TRAPPC3: variants seen among roughly 807,000 people sequenced by gnomAD.
TRAPPC3 encodes trafficking protein particle complex subunit 3.
A neutral mutation model predicts 18.2 loss-of-function variants in TRAPPC3; 5 were observed. That is an observed-to-expected ratio of 0.28 (90% CI 0.14 to 0.58). The LOEUF (loss-of-function observed/expected upper bound fraction) is 0.58. Ranked by LOEUF, TRAPPC3 falls within the 20% of genes least tolerant of loss-of-function variation. The pLI is 0.91. For synonymous variants in TRAPPC3, 65 were observed against 84.2 expected (o/e 0.77, Z 1.25); for missense variants, 176 against 225.9 (o/e 0.78, Z 1.41).
chr1:36,145,292 G>C (rs1268908138), intron 1 of TRAPPC3, among the ~76,000 whole-genome samples: 1 of 151,968 alleles, frequency 6.6e-6, no homozygotes, highest in Non-Finnish European at 1.5e-5. Flanking sequence ...ACCTCCCAAA[G>C]TGCAGGGATT....
rs58378686 is a variant in TRAPPC3 at position 36,144,289 on chromosome 1, C to CAA, written c.43-4125_43-4124dup. On this transcript the variant is annotated intron_variant, in intron 1 of 4. Transcript: ENST00000373166. Reference sequence around the variant, plus strand: ...GGAGACAAGAGCGAAACCCTGTCTCCAAAAAAAAAAAAAAAAAAAAGGGAG... The same window carrying CAA: ...GGAGACAAGAGCGAAACCCTGTCTCCAAAAAAAAAAAAAAAAAAAAAAGGGAG... 1.5e-3 allele frequency among the ~76,000 whole-genome samples: 88 copies of CAA among 57,476 alleles called. 3 individuals carry two copies. The highest frequency in any genetic ancestry group is 2.4e-3 in the Admixed American group (9 of 3,744). 37.7% of individuals were successfully genotyped at this position (57,476 alleles called of 152,430 possible).
intron 1 of TRAPPC3, among the ~76,000 whole-genome samples, chr1:36,148,576 CAG>C (rs910809330): frequency 1.4e-5 from 2 of 141,110 alleles, no homozygotes; most frequent in Admixed American, 7.4e-5. Flanking sequence ...CCCCGGGTGA[CAG>C]AGATTTCGTC....
intron 1 of TRAPPC3, among the ~76,000 whole-genome samples, chr1:36,141,754 T>C (rs1644110908): frequency 6.6e-6 from 1 of 151,838 alleles, no homozygotes; most frequent in African/African-American, 2.4e-5. Flanking sequence ...GGTCAAGAGA[T>C]TGAGACCATC....
At chr1:36,138,335 G>C (rs142002490) in intron 3 of TRAPPC3, 4 of 1,362,646 alleles carry the variant, frequency 2.9e-6, no homozygotes, top group South Asian at 2.6e-5. Flanking sequence ...TGAGTGCAGA[G>C]GCCCTAACCC....
At chr1:36,151,355 CT>C (rs1644270238), upstream of TRAPPC3, among the ~76,000 whole-genome samples, 1 of 152,056 alleles carries the variant, frequency 6.6e-6, no homozygotes, top group African/African-American at 2.4e-5. Context: ...AGACCCCCAT[CT>C]CCATAAAAAA....
chr1:36,151,923 C>T (rs1644274065), upstream of TRAPPC3, among the ~76,000 whole-genome samples: 1 of 152,186 alleles, frequency 6.6e-6, no homozygotes, highest in African/African-American at 2.4e-5. Flanking sequence ...CTGGCATCAC[C>T]AGCCACAGGG....
Position 36,140,169 on chromosome 1 carries a change from A to G in TRAPPC3, c.43-3T>C. 1 of 1,570,804 alleles carries G rather than the reference A, an allele frequency of 6.4e-7. No homozygotes were observed. On this transcript the variant is annotated splice_region_variant and splice_polypyrimidine_tract_variant and intron_variant, in intron 1 of 4. Coordinates refer to ENST00000373166, the MANE Select transcript of TRAPPC3 (RefSeq NM_014408.5). ...GTCAGGGTGAAGAGCTCAGAGCTCT[A>G]AAAGAGATTCAAAAGGCAGTCAGGA... is the stretch of plus-strand genomic sequence containing the variant.
rs560574320 is a variant in TRAPPC3, at chr1:36,146,453, C to T, written c.42+2884G>A. On this transcript the variant is annotated intron_variant, in intron 1 of 4. Coordinates refer to ENST00000373166, the MANE Select transcript of TRAPPC3 (RefSeq NM_014408.5). ...CTGGGACTACAGACGCCCGCCACCG[C>T]GACCGGCTAATTTTTTGTATTTTTA... is the stretch of plus-strand genomic sequence containing the variant. 2.8e-4 allele frequency among the ~76,000 whole-genome samples: 42 copies of T among 151,892 alleles called. 1 individual carries two copies. Among genetic ancestry groups the T allele is most frequent in the Non-Finnish European group, 7.4e-5 (5 of 67,944 alleles).
chr1:36,149,603 G>C, upstream of TRAPPC3: 1 of 608,438 alleles, frequency 1.6e-6, no homozygotes, highest in Non-Finnish European at 2.9e-6. Flanking sequence ...CCCTTTGGCA[G>C]CACCGCCTCT....
At position 36,137,766 on chromosome 1, in the gene TRAPPC3, G is replaced by C. The variant is rs562694084; in HGVS notation, c.423+30C>G. 3 of 1,598,832 alleles carry C rather than the reference G, an allele frequency of 1.9e-6. No homozygotes were observed. In the South Asian group the frequency reaches 3.4e-5, roughly 18 times the overall value. On this transcript the variant is annotated intron_variant, in intron 4 of 4. Coordinates refer to ENST00000373166, the MANE Select transcript of TRAPPC3 (RefSeq NM_014408.5). ...TTATCAAGTCCCTATTGCATTTCGG[G>C]TGTCCCAGAAGATAAAGAGTTGCAC...
At chr1:36,145,674 C>G (rs191907373) in intron 1 of TRAPPC3, among the ~76,000 whole-genome samples, 1 of 152,354 alleles carries the variant, frequency 6.6e-6, no homozygotes, top group Non-Finnish European at 1.5e-5. Context: ...TACTGGGTGT[C>G]AACTGTGTTC....
At chr1:36,140,335 G>C in intron 1 of TRAPPC3, 169 bp from the exon 2 acceptor site, 2 of 478,050 alleles carry the variant, frequency 4.2e-6, no homozygotes, top group Non-Finnish European at 7.3e-6. Flanking sequence ...CAAGGTCAAA[G>C]CAGCAGGGCT....
chr1:36,149,060 GAAGTT>G, intron 1 of TRAPPC3: 8 of 1,281,966 alleles, frequency 6.2e-6, no homozygotes, highest in African/African-American at 2.6e-5. Flanking sequence ...TAGTAAGAGA[GAAGTT>G]AAGTGGCAGT....
At chr1:36,149,653 G>T (rs1351210387), upstream of TRAPPC3, 8 of 551,082 alleles carry the variant, frequency 1.5e-5, no homozygotes, top group South Asian at 1.5e-4. Flanking sequence ...CTCCGCGCGC[G>T]CCTGCCTGGT....
chr1:36,142,670 C>T (rs1248791998), intron 1 of TRAPPC3, among the ~76,000 whole-genome samples: 9 of 152,146 alleles, frequency 5.9e-5, no homozygotes, highest in South Asian at 2.1e-4. Flanking sequence ...TCTTCAATTA[C>T]GAACCAAGCC....
intron 1 of TRAPPC3, among the ~76,000 whole-genome samples, chr1:36,146,631 T>C (rs1340904261): frequency 1.4e-5 from 2 of 144,434 alleles, no homozygotes; most frequent in Admixed American, 7.0e-5. Flanking sequence ...ATTAAGCTGA[T>C]GCTAGAACAA....
chr1:36,152,029 G>A (rs1644275289), upstream of TRAPPC3, among the ~76,000 whole-genome samples: 1 of 152,094 alleles, frequency 6.6e-6, no homozygotes. Context: ...GTGCCTTGAG[G>A]CTGGGGTGGG....
chr1:36,149,278 C>A, intron 1 of TRAPPC3, 59 bp downstream of exon 1: 2 of 1,610,654 alleles, frequency 1.2e-6, no homozygotes, highest in Non-Finnish European at 1.7e-6. Context: ...CGGCGCCGGG[C>A]CCCTTCCCTG....
upstream of TRAPPC3, among the ~76,000 whole-genome samples, chr1:36,150,180 C>T (rs2231303): frequency 0.016 from 2,409 of 152,290 alleles, 142 homozygotes; most frequent in East Asian, 0.21. Flanking sequence ...AGTTCTAATC[C>T]CAGCTTTGCC....
Sources: gnomAD v4.1 joint callset for allele counts (sites outside exome capture counted in the v4.1 genomes callset) on GRCh38, gnomAD v4.1.1 for gene constraint, MANE v1.5 for transcripts, NCBI Gene and HGNC (gene_info 2026-07-23, HGNC 2026-07-21) for gene names.